The following NLGN4X variants were observed in gnomAD, a reference collection of about 807,000 sequenced individuals.
NLGN4X encodes neuroligin 4 X-linked.
NLGN4X carries 3 observed loss-of-function variants against 40.3 expected under a neutral mutation model. The observed-to-expected ratio is 0.07, with a 90% CI of 0.03 to 0.19. The LOEUF (loss-of-function observed/expected upper bound fraction) is 0.19, where lower values mean the gene tolerates loss of function less well. NLGN4X is among the 10% of genes least tolerant of loss of function. The pLI is 1.00. For missense variants in NLGN4X, 382 were observed against 708.3 expected, an observed-to-expected ratio of 0.54 and a Z score of 5.23; for synonymous variants, 270 against 306.8, an observed-to-expected ratio of 0.88 and a Z score of 1.25.
In NLGN4X at chrX:5,909,138, C is replaced by T. The variant is rs763852947; in HGVS notation, c.727G>A (p.Gly243Arg). 3 of 1,211,388 alleles carry T rather than the reference C, an allele frequency of 2.5e-6. No homozygotes were observed. The highest frequency in any genetic ancestry group is 2.2e-6 in the Non-Finnish European group (2 of 895,491). Residue 243 changes from glycine (G) to arginine (R), a missense_variant, in exon 4 of 6, where the codon GGG (glycine) becomes AGG (arginine). Around this residue, in one of 5 missense-constraint regions of NLGN4X, gnomAD observed 32 missense variants for 85.2 expected, o/e 0.38. Coordinates refer to ENST00000381095, the MANE Select transcript of NLGN4X (RefSeq NM_181332.3). ...AAGATGGTCACTCTCTTGGGGTCCC[C>T]GCCAAAGGCTCCCACATTCTCCTCA... ...WIEENVGAFGGDPKRVTIFGS... is the reference protein window; with the variant it reads ...WIEENVGAFGRDPKRVTIFGS...
chrX:6,054,898 C>T (rs778187741), intron 2 of NLGN4X, among the ~76,000 whole-genome samples: 46 of 111,913 alleles, frequency 4.1e-4, no homozygotes, highest in Admixed American at 3.1e-3. Flanking sequence ...CCTCATGATC[C>T]GCCCTCCTCG....
chrX:6,044,211 G>A (rs941012047), intron 2 of NLGN4X, among the ~76,000 whole-genome samples: 2 of 111,820 alleles, frequency 1.8e-5, no homozygotes, highest in East Asian at 5.6e-4. Context: ...TGAGTCCAGG[G>A]ATTGCAGGCT....
intron 1 of NLGN4X, among the ~76,000 whole-genome samples, chrX:6,193,289 G>C (rs1227720662): frequency 1.8e-5 from 2 of 109,784 alleles, no homozygotes; most frequent in East Asian, 2.9e-4. Context: ...GGCGCCTGTA[G>C]TCCCAGCTAC....
rs1320146370 is a variant in NLGN4X, at chrX:6,032,633, G to T, written c.473-3201C>A. 7.9e-6 allele frequency: 6 copies of T among 758,977 alleles called. No individual in the cohort carries two copies. In the East Asian group the frequency reaches 1.0e-4, roughly 13 times the overall value. 62.5% of individuals were successfully genotyped at this position (758,977 alleles called of 1,213,427 possible). On this transcript the variant is annotated intron_variant, in intron 2 of 5. Coordinates refer to ENST00000381095, the MANE Select transcript of NLGN4X (RefSeq NM_181332.3). ...CAGATTGAAATGAAAAAAAAAAAGA[G>T]AGATAGATAGATATAAAATCATGCA...
At chrX:6,206,513 T>C (rs1176636844) in intron 1 of NLGN4X, among the ~76,000 whole-genome samples, 1 of 112,136 alleles carries the variant, frequency 8.9e-6, no homozygotes, top group African/African-American at 3.2e-5. Context: ...ACAAGGCTTA[T>C]GTCTCAGGAA....
chrX:5,942,177 G>A (rs371136489), intron 3 of NLGN4X, among the ~76,000 whole-genome samples: 3 of 110,629 alleles, frequency 2.7e-5, no homozygotes, highest in African/African-American at 9.9e-5. Flanking sequence ...GATCACGTGA[G>A]CCTGGGAGGT....
At chrX:6,138,839 G>A (rs896452750) in intron 2 of NLGN4X, among the ~76,000 whole-genome samples, 8 of 110,129 alleles carry the variant, frequency 7.3e-5, no homozygotes, top group African/African-American at 9.9e-5. Context: ...TATCGTTTCC[G>A]TCCAGGTAAA....
At chrX:5,926,784 G>A (rs2033334333) in intron 3 of NLGN4X, among the ~76,000 whole-genome samples, 1 of 81,160 alleles carries the variant, frequency 1.2e-5, no homozygotes, top group Non-Finnish European at 2.4e-5. Flanking sequence ...TACCTCTAGA[G>A]AGCATACACA....
At chrX:5,995,740 A>G (rs970560741) in intron 3 of NLGN4X, among the ~76,000 whole-genome samples, 9 of 111,987 alleles carry the variant, frequency 8.0e-5, no homozygotes, top group African/African-American at 2.9e-4. Flanking sequence ...CACTGATATA[A>G]GGGCAAGGGT....
At chrX:6,114,434 G>T (rs1393063681) in intron 2 of NLGN4X, among the ~76,000 whole-genome samples, 1 of 109,475 alleles carries the variant, frequency 9.1e-6, no homozygotes, top group African/African-American at 3.3e-5. Flanking sequence ...TATGCAATCA[G>T]TGTTATAACT....
At chrX:6,024,138 G>A (rs151187253) in intron 3 of NLGN4X, among the ~76,000 whole-genome samples, 1,991 of 111,967 alleles carry the variant, frequency 0.018, 31 homozygotes, top group South Asian at 0.034. Context: ...TCTGTCTGGA[G>A]GTGATTGTTC....
intron 2 of NLGN4X, among the ~76,000 whole-genome samples, chrX:6,068,527 G>A (rs2037981453): frequency 8.9e-6 from 1 of 111,798 alleles, no homozygotes; most frequent in African/African-American, 3.3e-5. Flanking sequence ...TTTGGGGCTG[G>A]CATGAGAGTT....
intron 3 of NLGN4X, among the ~76,000 whole-genome samples, chrX:5,926,823 C>CA (rs1419076715): frequency 2.7e-5 from 3 of 109,252 alleles, no homozygotes; most frequent in African/African-American, 1.0e-4. Context: ...CACACACACA[C>CA]ACGTTCTTAT....
At chrX:5,955,644 A>C (rs1354356716) in intron 3 of NLGN4X, among the ~76,000 whole-genome samples, 1 of 111,061 alleles carries the variant, frequency 9.0e-6, no homozygotes, top group Non-Finnish European at 1.9e-5. Flanking sequence ...ACAGAAAAAT[A>C]ATCAGAACAT....
At chrX:6,096,709 C>G (rs1363247100) in intron 2 of NLGN4X, among the ~76,000 whole-genome samples, 1 of 111,579 alleles carries the variant, frequency 9.0e-6, no homozygotes, top group African/African-American at 3.3e-5. Context: ...ATCTGGAGGC[C>G]AACATTAAGG....
At chrX:6,125,481 A>G (rs1236975434) in intron 2 of NLGN4X, among the ~76,000 whole-genome samples, 1 of 112,392 alleles carries the variant, frequency 8.9e-6, no homozygotes, top group Admixed American at 9.5e-5. Flanking sequence ...AATAATGAGA[A>G]CAAATAGTCT....
intron 2 of NLGN4X, among the ~76,000 whole-genome samples, chrX:6,127,629 T>C (rs997452485): frequency 4.5e-5 from 5 of 111,930 alleles, no homozygotes; most frequent in African/African-American, 6.5e-5. Context: ...AAAGAATACA[T>C]TGCTTCCTTC....
chrX:6,124,669 G>A (rs1026975670), intron 2 of NLGN4X, among the ~76,000 whole-genome samples: 2 of 111,657 alleles, frequency 1.8e-5, no homozygotes, highest in Middle Eastern at 4.6e-3. Flanking sequence ...GCAACAGAGC[G>A]AGACTCTGTC....
chrX:6,061,498 C>T (rs2147329924), intron 2 of NLGN4X: 1 of 111,670 alleles, frequency 9.0e-6, no homozygotes, highest in South Asian at 3.8e-4. Context: ...ATATTGATTC[C>T]AATTTTATTG....
Sources: allele counts gnomAD v4.1 joint callset (sites outside exome capture counted in the v4.1 genomes callset), GRCh38; gene constraint gnomAD v4.1.1; regional missense constraint gnomAD v4.1.1; transcripts MANE v1.5; gene names NCBI Gene and HGNC (gene_info 2026-07-23, HGNC 2026-07-21).